Variants in MARK3 observed in about 807,000 individuals in gnomAD.
The protein encoded by MARK3 is microtubule affinity regulating kinase 3, also known as MAP/microtubule affinity-regulating kinase 3.
In MARK3, 46 loss-of-function variants were observed where a neutral mutation model predicts 90.1. The ratio of observed to expected loss-of-function variants is 0.51; its 90% CI spans 0.40 to 0.65. The LOEUF is 0.65. Ranked by LOEUF, MARK3 falls within the 30% of genes least tolerant of loss-of-function variation. The pLI is 0.00. For missense variants in MARK3, 818 were observed against 947.2 expected, an observed-to-expected ratio of 0.86 and a Z score of 1.79; for synonymous variants, 321 against 332.6, an observed-to-expected ratio of 0.97 and a Z score of 0.38.
intron 2 of MARK3, among the ~76,000 whole-genome samples, chr14:103,422,447 T>A (rs986966642): frequency 3.9e-5 from 6 of 152,130 alleles, no homozygotes; most frequent in African/African-American, 1.4e-4. Flanking sequence ...AGAGCAAGAC[T>A]CCATTTCAAA....
chr14:103,448,587 C>CT (rs1359446735), intron 3 of MARK3, among the ~76,000 whole-genome samples: 1 of 152,176 alleles, frequency 6.6e-6, no homozygotes, highest in Non-Finnish European at 1.5e-5. Flanking sequence ...CTGAATCAGA[C>CT]TAAGTTTAAT....
chr14:103,402,133 C>T (rs1024997671), intron 1 of MARK3, among the ~76,000 whole-genome samples: 1 of 152,050 alleles, frequency 6.6e-6, no homozygotes, highest in South Asian at 2.1e-4. Context: ...TGATAATGAA[C>T]AAAACACAAA....
intron 15 of MARK3, among the ~76,000 whole-genome samples, chr14:103,495,179 A>C (rs912831697): frequency 2.0e-5 from 3 of 152,188 alleles, no homozygotes; most frequent in African/African-American, 7.2e-5. Flanking sequence ...CATATTTTAA[A>C]AAGTATCAGG....
At position 103,444,776 on chromosome 14, in the gene MARK3, C is replaced by CA. The variant is rs1047271374; in HGVS notation, c.298-4132dup. On this transcript the variant is annotated intron_variant, in intron 3 of 17. Transcript: ENST00000429436. ...TGGGCGACAGAGCGAGACTCCATTTCAAAAAAAAAAAGTAGAAATAAGGTG... is the reference window on the plus strand; with the variant it reads ...TGGGCGACAGAGCGAGACTCCATTTCAAAAAAAAAAAAGTAGAAATAAGGTG... Among the ~76,000 whole-genome samples the CA allele has an allele frequency of 1.4e-3, 202 of 142,048 alleles. 2 individuals carry two copies. Among genetic ancestry groups the CA allele is most frequent in the African/African-American group, 3.8e-3 (149 of 38,762 alleles). The allele number at this position is 142,048 out of a possible 152,430, so 93.2% of individuals were successfully genotyped here.
chr14:103,389,943 CAAAAA>C (rs71126011), intron 1 of MARK3, among the ~76,000 whole-genome samples: 16 of 29,618 alleles, frequency 5.4e-4, no homozygotes, highest in African/African-American at 1.2e-3. Flanking sequence ...TACTCCGTCT[CAAAAA>C]AAAAAAAAAA....
intron 2 of MARK3, among the ~76,000 whole-genome samples, chr14:103,407,711 C>T (rs1269198018): frequency 6.6e-6 from 1 of 151,874 alleles, no homozygotes; most frequent in Non-Finnish European, 1.5e-5. Context: ...TAGGCGTGCG[C>T]CACCATGCCC....
chr14:103,460,471 T>G (rs754579788), intron 6 of MARK3, among the ~76,000 whole-genome samples: 60 of 152,168 alleles, frequency 3.9e-4, no homozygotes, highest in Non-Finnish European at 7.6e-4. Flanking sequence ...GAAAGTGAAT[T>G]AGGTTAAATC....
chr14:103,414,221 T>C (rs894773869), intron 2 of MARK3, among the ~76,000 whole-genome samples: 4 of 151,246 alleles, frequency 2.6e-5, no homozygotes, highest in Admixed American at 2.6e-4. Flanking sequence ...TTTTTTTTTT[T>C]AAAGATGGAC....
chr14:103,480,858 C>T (rs1033486011), intron 14 of MARK3, among the ~76,000 whole-genome samples: 2 of 152,094 alleles, frequency 1.3e-5, no homozygotes, highest in Non-Finnish European at 2.9e-5. Context: ...AAGATAAGGA[C>T]GTGAGGCAGA....
chr14:103,431,163 C>T (rs1414992083), intron 3 of MARK3, among the ~76,000 whole-genome samples: 3 of 152,198 alleles, frequency 2.0e-5, no homozygotes, highest in Non-Finnish European at 2.9e-5. Flanking sequence ...TCTGAGTTCA[C>T]TGCAGTCTCC....
intron 15 of MARK3, among the ~76,000 whole-genome samples, chr14:103,495,028 CAT>C (rs1012060483): frequency 4.6e-5 from 7 of 152,094 alleles, no homozygotes; most frequent in African/African-American, 7.2e-5. Context: ...AAATGAGTAT[CAT>C]ATATATACAC....
In MARK3 at chr14:103,465,989, A is replaced by G; in HGVS notation, c.795A>G (p.Val265=). The change falls in exon 9 of 18, where the codon GTA becomes GTG. Residue 265 remains valine, a synonymous_variant. Transcript: ENST00000429436. The part of the protein sequence containing the change: ...GQNLKELRER[V]LRGKYRIPFY... Reference sequence around the variant, plus strand: ...CTCCAAAGGAACTGAGAGAGAGAGTATTAAGAGGGAAATACAGAATTCCCT... The same window carrying G: ...CTCCAAAGGAACTGAGAGAGAGAGTGTTAAGAGGGAAATACAGAATTCCCT... 6.2e-7 allele frequency: 1 copy of G among 1,613,744 alleles called. No homozygotes were observed. The highest frequency in any genetic ancestry group is 8.5e-7 in the Non-Finnish European group (1 of 1,179,800).
At chr14:103,467,044 C>G (rs768400935) in intron 10 of MARK3, 35 bp from the exon 11 acceptor site, 2 of 756,034 alleles carry the variant, frequency 2.6e-6, no homozygotes, top group Non-Finnish European at 4.1e-6. Context: ...CTTACCCAAA[C>G]AAAACACATA....
At chr14:103,497,099 G>T (rs1389031125) in intron 15 of MARK3, among the ~76,000 whole-genome samples, 1 of 152,078 alleles carries the variant, frequency 6.6e-6, no homozygotes, top group Non-Finnish European at 1.5e-5. Flanking sequence ...ATATCTTAAA[G>T]ACTTTTAATC....
chr14:103,441,780 G>C (rs992354777), intron 3 of MARK3, among the ~76,000 whole-genome samples: 1 of 152,126 alleles, frequency 6.6e-6, no homozygotes, highest in African/African-American at 2.4e-5. Context: ...GATCTGCATC[G>C]TGGACAGAGT....
Position 103,385,952 on chromosome 14 carries a change from G to A in MARK3, c.-78G>A. On this transcript the variant is annotated 5_prime_UTR_variant, in exon 1 of 18. Transcript: ENST00000429436. ...CTTTTCGGAACTGCCGTGGACTCGA[G>A]GACGCTGGTCGCCGGCCTCCTAGGG... 8.2e-7 allele frequency: 1 copy of A among 1,220,610 alleles called. No individual in the cohort carries two copies. Among genetic ancestry groups the A allele is most frequent in the Non-Finnish European group, 1.2e-6 (1 of 822,658 alleles). 75.6% of individuals were successfully genotyped at this position (1,220,610 alleles called of 1,614,324 possible).
At chr14:103,392,767 A>G (rs2090337861) in intron 1 of MARK3, among the ~76,000 whole-genome samples, 1 of 152,070 alleles carries the variant, frequency 6.6e-6, no homozygotes, top group African/African-American at 2.4e-5. Context: ...TTTGTAGAGT[A>G]TCTCATTTAA....
intron 2 of MARK3, among the ~76,000 whole-genome samples, chr14:103,421,551 A>G (rs113861136): frequency 1.3e-5 from 2 of 152,200 alleles, no homozygotes; most frequent in Non-Finnish European, 2.9e-5. Flanking sequence ...GCTTAGCCTC[A>G]TAGAGGCCAG....
At chr14:103,456,641 A>G (rs890608667) in intron 5 of MARK3, among the ~76,000 whole-genome samples, 2 of 152,098 alleles carry the variant, frequency 1.3e-5, no homozygotes, top group African/African-American at 4.8e-5. Flanking sequence ...CCCTCCCCCA[A>G]CTAGAATGTA....
Sources: gnomAD v4.1 joint callset for allele counts (sites outside exome capture counted in the v4.1 genomes callset) on GRCh38, gnomAD v4.1.1 for gene constraint, MANE v1.5 for transcripts, NCBI Gene and HGNC (gene_info 2026-07-23, HGNC 2026-07-21) for gene names.